Variants in CNTNAP2 observed in about 807,000 individuals in gnomAD.
The protein encoded by CNTNAP2 is contactin-associated protein-like 2.
Under a neutral mutation model 155.2 loss-of-function variants are expected in CNTNAP2, and 98 were observed. That is an observed-to-expected ratio of 0.63 (90% confidence interval 0.54 to 0.75). CNTNAP2 has a LOEUF of 0.75. CNTNAP2 is among the 30% of genes least tolerant of loss of function. The probability of loss-of-function intolerance (pLI) is 0.00; values close to 1 mark genes in which losing one functional copy is unlikely to be tolerated. For synonymous variants in CNTNAP2, 651 were observed against 631.2 expected (o/e 1.03, Z -0.47); for missense variants, 1,727 against 1,688.1 (o/e 1.02, Z -0.40).
intron 12 of CNTNAP2, among the ~76,000 whole-genome samples, chr7:147,591,517 G>T (rs922852271): frequency 6.6e-6 from 1 of 152,090 alleles, no homozygotes; most frequent in African/African-American, 2.4e-5. Flanking sequence ...TAAATTTTGA[G>T]AGGACACAAT....
chr7:148,243,663 G>GC, intron 20 of CNTNAP2, among the ~76,000 whole-genome samples: 1 of 152,090 alleles, frequency 6.6e-6, no homozygotes, highest in South Asian at 2.1e-4. Context: ...AGAAAGACTG[G>GC]CCCCCATGAT....
rs1797542415 is a variant in CNTNAP2 at position 148,308,983 on chromosome 7, G to A, written c.3475+41857G>A. 3.3e-5 allele frequency among the ~76,000 whole-genome samples: 5 copies of A among 152,230 alleles called. No individual in the cohort carries two copies. In the South Asian group the frequency reaches 1.0e-3, roughly 32 times the overall value. ...TCTTTATCCATTCTATCATTGATGG[G>A]CATTTGGGTTGGTTCCAACTCTTTG... On this transcript the variant is annotated intron_variant, in intron 21 of 23. Transcript: ENST00000361727.
chr7:148,172,465 A>G lies in CNTNAP2; in HGVS notation c.2997A>G (p.Thr999=), dbSNP rs1805811353. 1.2e-6 allele frequency: 2 copies of G among 1,614,004 alleles called. No individual in the cohort carries two copies. Among genetic ancestry groups the G allele is most frequent in the Non-Finnish European group, 8.5e-7 (1 of 1,179,998 alleles). ...CDCSNTAYDG[T]FCNKDVGAFF... is the part of the protein sequence containing the mutation. ...GCTCTAATACTGCATATGATGGAAC[A>G]TTTTGCAACAAAGGTAAGGTGGAAC... Residue 999 remains threonine (T), a synonymous_variant, in exon 18 of 24, where the codon ACA becomes ACG. Transcript: ENST00000361727.
chr7:146,133,511 T>A (rs955424285), intron 1 of CNTNAP2, among the ~76,000 whole-genome samples: 2 of 152,214 alleles, frequency 1.3e-5, no homozygotes, highest in Non-Finnish European at 2.9e-5. Context: ...TGAATGGTAA[T>A]GCCTAGGTTT....
At chr7:147,353,153 A>ATG (rs1563171482) in intron 9 of CNTNAP2, among the ~76,000 whole-genome samples, 3 of 151,726 alleles carry the variant, frequency 2.0e-5, no homozygotes, top group Admixed American at 6.6e-5. Flanking sequence ...GTACATATAT[A>ATG]TATGTATATG....
At chr7:146,673,449 G>T (rs954889136) in intron 1 of CNTNAP2, among the ~76,000 whole-genome samples, 2 of 152,184 alleles carry the variant, frequency 1.3e-5, no homozygotes, top group African/African-American at 2.4e-5. Context: ...TAAAGATGCT[G>T]TCTTATGTGT....
At chr7:147,536,001 G>A (rs925101605) in intron 11 of CNTNAP2, among the ~76,000 whole-genome samples, 7 of 152,146 alleles carry the variant, frequency 4.6e-5, no homozygotes, top group African/African-American at 1.4e-4. Flanking sequence ...GACAGGAAGA[G>A]GAGAGAAATC....
intron 1 of CNTNAP2, among the ~76,000 whole-genome samples, chr7:146,272,279 C>T (rs776281029): frequency 3.3e-5 from 5 of 152,138 alleles, no homozygotes; most frequent in Non-Finnish European, 7.4e-5. Flanking sequence ...CAGTCACTAT[C>T]ATGAGAACAG....
intron 10 of CNTNAP2, among the ~76,000 whole-genome samples, chr7:147,484,628 A>C (rs1449153680): frequency 6.6e-6 from 1 of 152,242 alleles, no homozygotes. Context: ...TTGTGGAAGA[A>C]CAGCAAGCTA....
intron 8 of CNTNAP2, among the ~76,000 whole-genome samples, chr7:147,270,842 A>C (rs1285052495): frequency 6.6e-6 from 1 of 152,134 alleles, no homozygotes; most frequent in Non-Finnish European, 1.5e-5. Flanking sequence ...TGTGCGAAAT[A>C]AGTTGTGTTG....
chr7:146,375,689 A>G (rs1400043291), intron 1 of CNTNAP2, among the ~76,000 whole-genome samples: 1 of 152,220 alleles, frequency 6.6e-6, no homozygotes, highest in Non-Finnish European at 1.5e-5. Context: ...AGGCAACCAA[A>G]CAATGAAATA....
At chr7:146,697,582 T>C (rs1800803763) in intron 1 of CNTNAP2, among the ~76,000 whole-genome samples, 1 of 152,174 alleles carries the variant, frequency 6.6e-6, no homozygotes, top group Non-Finnish European at 1.5e-5. Flanking sequence ...ACAAGTCTGC[T>C]TTGTCTGAAA....
intron 1 of CNTNAP2, among the ~76,000 whole-genome samples, chr7:146,429,252 T>C (rs1796137564): frequency 6.6e-6 from 1 of 152,166 alleles, no homozygotes; most frequent in Non-Finnish European, 1.5e-5. Flanking sequence ...AATATTTTTT[T>C]TTCTAATTCT....
At chr7:147,896,212 T>C (rs549526350) in intron 13 of CNTNAP2, among the ~76,000 whole-genome samples, 74 of 152,198 alleles carry the variant, frequency 4.9e-4, no homozygotes, top group Non-Finnish European at 9.4e-4. Flanking sequence ...TCCCCTTAGG[T>C]CCCATCCTGT....
intron 5 of CNTNAP2, among the ~76,000 whole-genome samples, chr7:147,110,679 T>A (rs1222371031): frequency 6.6e-6 from 1 of 152,158 alleles, no homozygotes; most frequent in Non-Finnish European, 1.5e-5. Flanking sequence ...TCCAGCTCCA[T>A]CCATGTGCCC....
chr7:146,200,292 G>C (rs180824019), intron 1 of CNTNAP2, among the ~76,000 whole-genome samples: 2 of 152,078 alleles, frequency 1.3e-5, no homozygotes, highest in Non-Finnish European at 2.9e-5. Flanking sequence ...TCAAGAGATC[G>C]AAACCATCCT....
intron 3 of CNTNAP2, among the ~76,000 whole-genome samples, chr7:146,881,702 A>G (rs1303079128): frequency 1.3e-5 from 2 of 149,876 alleles, no homozygotes; most frequent in East Asian, 3.9e-4. Context: ...TACAAGTTTT[A>G]CCCCCAAGAG....
At position 146,248,419 on chromosome 7, in the gene CNTNAP2, G is replaced by A. The variant is rs567186704; in HGVS notation, c.97+131446G>A. 1.7e-3 allele frequency among the ~76,000 whole-genome samples: 255 copies of A among 152,292 alleles called. 2 individuals are homozygous for A. Among genetic ancestry groups the A allele is most frequent in the Middle Eastern group, 0.01 (3 of 292 alleles). On this transcript the variant is annotated intron_variant, in intron 1 of 23. Transcript: ENST00000361727. Reference sequence around the variant, plus strand: ...GCGTGGTCTGACACCTCTGAAACCTGGGTGAATAATCAGGGACGCATCCCT... The same window carrying A: ...GCGTGGTCTGACACCTCTGAAACCTAGGTGAATAATCAGGGACGCATCCCT...
chr7:148,358,138 G>C (rs990510236), intron 21 of CNTNAP2, among the ~76,000 whole-genome samples: 1 of 152,168 alleles, frequency 6.6e-6, no homozygotes, highest in Non-Finnish European at 1.5e-5. Flanking sequence ...CAAGGTGGTC[G>C]TATCACTGGC....
Sources: allele counts gnomAD v4.1 joint callset (sites outside exome capture counted in the v4.1 genomes callset), GRCh38; gene constraint gnomAD v4.1.1; transcripts MANE v1.5; gene names NCBI Gene and HGNC (gene_info 2026-07-23, HGNC 2026-07-21).